The following SYT12 variants were observed in gnomAD, a reference collection of about 807,000 sequenced individuals.
SYT12 encodes synaptotagmin-12.
Under a neutral mutation model 39.5 loss-of-function variants are expected in SYT12, and 27 were observed. The observed-to-expected ratio is 0.68, with a 90% CI of 0.50 to 0.94. The LOEUF is 0.94. Ranked by LOEUF, SYT12 falls within the 40% of genes least tolerant of loss-of-function variation. The pLI, the probability that SYT12 is intolerant of heterozygous loss-of-function variation, is 0.00. For missense variants in SYT12, 536 were observed against 572.6 expected, an observed-to-expected ratio of 0.94 and a Z score of 0.65; for synonymous variants, 233 against 239.7, an observed-to-expected ratio of 0.97 and a Z score of 0.26.
At chr11:67,014,042 CATGGCTGAG>C (rs1473923266) in intron 3 of SYT12, among the ~76,000 whole-genome samples, 1 of 152,226 alleles carries the variant, frequency 6.6e-6, no homozygotes, top group Admixed American at 6.5e-5. Flanking sequence ...TCTGTGCCTT[CATGGCTGAG>C]ATGTCCCTGT....
At chr11:67,020,144 G>A (rs1376059348), upstream of SYT12, among the ~76,000 whole-genome samples, 2 of 152,156 alleles carry the variant, frequency 1.3e-5, no homozygotes, top group African/African-American at 4.8e-5. Context: ...GAATGAGTAG[G>A]GGCTTTGCTC....
chr11:67,044,518 T>G, intron 5 of SYT12, 75 bp from the exon 6 acceptor site: 1 of 1,551,534 alleles, frequency 6.4e-7, no homozygotes, highest in Non-Finnish European at 8.7e-7. Context: ...AGCCTTTCCC[T>G]GGCAACCAAG....
chr11:67,046,057 G>A (rs1428858407), intron 7 of SYT12, among the ~76,000 whole-genome samples, 180 bp downstream of exon 7: 1 of 152,090 alleles, frequency 6.6e-6, no homozygotes, highest in Admixed American at 6.5e-5. Context: ...GGGGACACAG[G>A]CATGGCTTTC....
chr11:67,025,795 C>T (rs1313294056), intron 1 of SYT12, among the ~76,000 whole-genome samples: 1 of 152,122 alleles, frequency 6.6e-6, no homozygotes, highest in Non-Finnish European at 1.5e-5. Context: ...TCCCTCTCCT[C>T]CTCCGTGGAG....
intron 3 of SYT12, among the ~76,000 whole-genome samples, chr11:67,015,868 G>A (rs972750325): frequency 1.3e-5 from 2 of 152,126 alleles, no homozygotes; most frequent in Non-Finnish European, 2.9e-5. Flanking sequence ...TGGGAAGGAG[G>A]ACTCTGGATC....
At chr11:67,037,779 G>A (rs1277171493) in intron 3 of SYT12, among the ~76,000 whole-genome samples, 2 of 151,444 alleles carry the variant, frequency 1.3e-5, no homozygotes, top group Non-Finnish European at 2.9e-5. Flanking sequence ...CTACTCAGAA[G>A]GCTGAAGCAG....
intron 1 of SYT12, chr11:67,007,465 T>A (rs903269139): frequency 2.0e-5 from 3 of 152,220 alleles, no homozygotes; most frequent in Non-Finnish European, 4.4e-5. Context: ...GGTTTGCTAT[T>A]TTTATCTGCG....
At chr11:67,025,540 C>T (rs942870038) in intron 1 of SYT12, among the ~76,000 whole-genome samples, 2 of 152,064 alleles carry the variant, frequency 1.3e-5, no homozygotes, top group Admixed American at 1.3e-4. Context: ...CTGCCCTGGT[C>T]CCACTGTACC....
In SYT12 at chr11:67,050,316, G is replaced by A. The variant is rs979725843; in HGVS notation, c.*1559G>A. 11 of 152,472 alleles carry A rather than the reference G, an allele frequency of 7.2e-5. No homozygotes were observed. The highest frequency in any genetic ancestry group is 6.5e-4 in the Admixed American group (10 of 15,294). The allele number at this position is 152,472 out of a possible 1,614,324, so 9.4% of individuals were successfully genotyped here. A position where few individuals can be genotyped will look rare whatever the true frequency, so the allele number is the denominator to read the frequency against. ...GGGCTGAGCTCACCCAGGCCAGCAG[G>A]TGGGGTATCATCTGCTCGGTGGGGC... On this transcript the variant is annotated 3_prime_UTR_variant, in exon 8 of 8. Transcript: ENST00000527043.
upstream of SYT12, among the ~76,000 whole-genome samples, chr11:67,018,372 A>C (rs1489421125): frequency 6.6e-6 from 1 of 152,120 alleles, no homozygotes; most frequent in Non-Finnish European, 1.5e-5. Context: ...AAAAGAAAAA[A>C]AAAATAGCTG....
intron 2 of SYT12, among the ~76,000 whole-genome samples, chr11:67,033,572 T>C (rs1950309538): frequency 6.6e-6 from 1 of 152,206 alleles, no homozygotes; most frequent in African/African-American, 2.4e-5. Context: ...GTTACCCCAC[T>C]TGCTTTGGGG....
chr11:67,035,361 G>A (rs1950338647), intron 3 of SYT12, among the ~76,000 whole-genome samples: 2 of 145,296 alleles, frequency 1.4e-5, no homozygotes, highest in Non-Finnish European at 1.5e-5. Context: ...AATGCTCCTT[G>A]CAGAGCAGGG....
intron 3 of SYT12, among the ~76,000 whole-genome samples, chr11:67,036,042 G>T (rs907300690): frequency 2.0e-5 from 3 of 151,400 alleles, no homozygotes. Flanking sequence ...AGCCTCCTGA[G>T]TAGCTGGGAT....
chr11:67,035,741 G>A (rs1185007948), intron 3 of SYT12, among the ~76,000 whole-genome samples: 1 of 151,554 alleles, frequency 6.6e-6, no homozygotes, highest in Non-Finnish European at 1.5e-5. Flanking sequence ...ACAGACGTGA[G>A]CCACCGCGCC....
intron 1 of SYT12, among the ~76,000 whole-genome samples, chr11:67,008,553 C>CT (rs1015520225): frequency 3.3e-5 from 5 of 150,760 alleles, no homozygotes; most frequent in African/African-American, 4.9e-5. Context: ...CTACATCTCT[C>CT]TTTTTTTTTC....
intron 1 of SYT12, chr11:67,009,797 G>A (rs1382911932): frequency 6.5e-6 from 1 of 152,758 alleles, no homozygotes; most frequent in Non-Finnish European, 1.5e-5. Flanking sequence ...GTGGCTTGCT[G>A]GAGCATTTAT....
intron 1 of SYT12, among the ~76,000 whole-genome samples, chr11:67,025,948 T>C (rs1316988309): frequency 6.6e-6 from 1 of 152,144 alleles, no homozygotes. Context: ...GCTGGCTGTG[T>C]GGCTTTGGGC....
chr11:67,017,598 G>T (rs892362338), intron 3 of SYT12, among the ~76,000 whole-genome samples: 1 of 151,042 alleles, frequency 6.6e-6, no homozygotes, highest in African/African-American at 2.4e-5. Flanking sequence ...CTGACCTTGT[G>T]ATCTGCCTGC....
chr11:67,043,999 C>A, intron 5 of SYT12, 146 bp downstream of exon 5: 1 of 797,088 alleles, frequency 1.3e-6, no homozygotes, highest in Non-Finnish European at 2.0e-6. Flanking sequence ...TGAGCCACAT[C>A]CGAGGAAACT....
Sources: gnomAD v4.1 joint callset for allele counts (sites outside exome capture counted in the v4.1 genomes callset) on GRCh38, gnomAD v4.1.1 for gene constraint, MANE v1.5 for transcripts, NCBI Gene and HGNC (gene_info 2026-07-23, HGNC 2026-07-21) for gene names.